The following GADL1 variants were observed in gnomAD, a reference collection of about 807,000 sequenced individuals.
The protein encoded by GADL1 is GAD like acidic amino acid decarboxylase 1.
In GADL1, 71 loss-of-function variants were observed where a neutral mutation model predicts 69.5. The ratio of observed to expected loss-of-function variants is 1.02; its 90% CI spans 0.84 to 1.25. The LOEUF (loss-of-function observed/expected upper bound fraction) is 1.25, where lower values mean the gene tolerates loss of function less well. Among genes scored for constraint, GADL1 ranks in the 50% most tolerant of loss-of-function variants. The pLI, the probability that GADL1 is intolerant of heterozygous loss-of-function variation, is 0.00. For synonymous variants in GADL1, 254 were observed against 214.4 expected (o/e 1.18, Z -1.62); for missense variants, 737 against 631.8 (o/e 1.17, Z -1.79).
intron 14 of GADL1, among the ~76,000 whole-genome samples, chr3:30,777,383 G>T (rs1219792168): frequency 1.3e-5 from 2 of 152,156 alleles, no homozygotes; most frequent in African/African-American, 2.4e-5. Flanking sequence ...TGATTTTAAT[G>T]GTGCTAGCCC....
intron 1 of GADL1, among the ~76,000 whole-genome samples, chr3:30,872,782 G>A (rs940777908): frequency 4.0e-5 from 6 of 151,838 alleles, no homozygotes; most frequent in Admixed American, 2.0e-4. Flanking sequence ...CTTTTGGTGA[G>A]CAAGAGTCAT....
chr3:30,743,066 A>G (rs960100734), intron 14 of GADL1, among the ~76,000 whole-genome samples: 5 of 152,056 alleles, frequency 3.3e-5, no homozygotes, highest in African/African-American at 7.3e-5. Flanking sequence ...CAAAAATGCT[A>G]CATAAATTTT....
intron 14 of GADL1, among the ~76,000 whole-genome samples, chr3:30,761,911 G>T (rs143106242): frequency 2.6e-5 from 4 of 152,150 alleles, no homozygotes; most frequent in African/African-American, 9.7e-5. Flanking sequence ...AAGTTTATAT[G>T]CATGTGTATA....
Position 30,786,341 on chromosome 3 carries a change from A to G in GADL1, c.1302+14T>C. ...AACTGACAAAATCACAAGCACAATT[A>G]TGCAATCACTTACTTCCATCAGTAA... On this transcript the variant is annotated intron_variant, in intron 13 of 14. Coordinates refer to ENST00000282538, the MANE Select transcript of GADL1 (RefSeq NM_207359.3). 1 of 1,515,318 alleles carries G rather than the reference A, an allele frequency of 6.6e-7. No individual in the cohort carries two copies. The allele number at this position is 1,515,318 out of a possible 1,614,324, so 93.9% of individuals were successfully genotyped here.
At chr3:30,772,933 T>C (rs74964575) in intron 14 of GADL1, among the ~76,000 whole-genome samples, 5,322 of 152,034 alleles carry the variant, frequency 0.035, 120 homozygotes, top group Non-Finnish European at 0.053. Flanking sequence ...CAGGGAAACC[T>C]AGGAAGCCTA....
rs375875048 is a variant in GADL1, at chr3:30,741,852, G to C, written c.1393-13437C>G. On this transcript the variant is annotated intron_variant, in intron 14 of 14. Transcript: ENST00000282538. ...CTTGTGGCACACTAATCACCAGTGG[G>C]GTGCAGTGGAAGAGATCCTGTGTGG... is the stretch of plus-strand genomic sequence containing the variant. Among the ~76,000 whole-genome samples, 5 of 152,240 alleles carry C rather than the reference G, an allele frequency of 3.3e-5. No homozygotes were observed. In the South Asian group the frequency reaches 1.0e-3, roughly 32 times the overall value.
At position 30,836,576 on chromosome 3, in the gene GADL1, T is replaced by A. The variant is rs558900056; in HGVS notation, c.904-2295A>T. On this transcript the variant is annotated intron_variant, in intron 9 of 14. Transcript: ENST00000282538. ...ACTATATGTGAGGCACCACAGTATATCATTTTATATATATTTGTCTTTAAT... is the reference window on the plus strand; with the variant it reads ...ACTATATGTGAGGCACCACAGTATAACATTTTATATATATTTGTCTTTAAT... Among the ~76,000 whole-genome samples, 4 of 151,724 alleles carry A rather than the reference T, an allele frequency of 2.6e-5. No individual in the cohort carries two copies. The East Asian group carries it at 7.7e-4, about 29-fold the overall frequency.
At chr3:30,858,298 T>A (rs1310795765) in intron 2 of GADL1, among the ~76,000 whole-genome samples, 1 of 152,006 alleles carries the variant, frequency 6.6e-6, no homozygotes, top group Non-Finnish European at 1.5e-5. Context: ...GAGTTTGGAC[T>A]TGGCTCTAAG....
Position 30,866,452 on chromosome 3 carries a change from G to A in GADL1, c.38-4687C>T, listed in dbSNP as rs151080844. The stretch of plus-strand genomic sequence containing the variant: ...TCAGCCTGGGCAAAAGAGTGAGACC[G>A]TGTCTCAAAAATAATAGTAATAATA... On this transcript the variant is annotated intron_variant, in intron 1 of 14. Coordinates refer to ENST00000282538, the MANE Select transcript of GADL1 (RefSeq NM_207359.3). 3.0e-3 allele frequency among the ~76,000 whole-genome samples: 458 copies of A among 152,102 alleles called. 1 individual carries two copies. The highest frequency in any genetic ancestry group is 5.5e-3 in the Non-Finnish European group (376 of 67,948).
chr3:30,792,645 A>C (rs928974020), intron 12 of GADL1, among the ~76,000 whole-genome samples: 2 of 152,168 alleles, frequency 1.3e-5, no homozygotes, highest in Non-Finnish European at 2.9e-5. Context: ...CAATAATATC[A>C]GGAACCAGTT....
intron 14 of GADL1, among the ~76,000 whole-genome samples, chr3:30,767,944 TAA>T (rs1047951255): frequency 2.6e-5 from 4 of 151,598 alleles, no homozygotes; most frequent in African/African-American, 9.7e-5. Flanking sequence ...TGACAATCAG[TAA>T]AGAGAAATTG....
At chr3:30,814,248 G>A (rs1697416862) in intron 11 of GADL1, among the ~76,000 whole-genome samples, 1 of 152,084 alleles carries the variant, frequency 6.6e-6, no homozygotes, top group Non-Finnish European at 1.5e-5. Context: ...AATCTTGCTG[G>A]GTTTCAAGGT....
chr3:30,794,894 G>A (rs769481525), intron 12 of GADL1, among the ~76,000 whole-genome samples: 1 of 152,098 alleles, frequency 6.6e-6, no homozygotes, highest in Non-Finnish European at 1.5e-5. Context: ...TTAGATTCAG[G>A]AACATGGAAA....
Position 30,844,393 on chromosome 3 carries a change from T to C in GADL1, c.725A>G (p.Asp242Gly), listed in dbSNP as rs780494023. The C allele has an allele frequency of 3.7e-6, 6 of 1,611,894 alleles. No individual in the cohort carries two copies. In the Admixed American group the frequency reaches 5.0e-5, roughly 13 times the overall value. ...CAGATCCTGTTCCCATTACCTTCCA[T>C]CTGTTTCCACAAAGCAAACATTCTC... ...GTENVCFVETDGRGKMIPEEL... is the reference protein window; with the variant it reads ...GTENVCFVETGGRGKMIPEEL... The change falls in exon 7 of 15, where the codon GAT becomes GGT. Residue 242 changes from aspartate to glycine, a missense_variant. By Grantham distance (94) the Asp-to-Gly change is moderately conservative. Coordinates refer to ENST00000282538, the MANE Select transcript of GADL1 (RefSeq NM_207359.3).
At chr3:30,814,576 A>G (rs1366044944) in intron 11 of GADL1, among the ~76,000 whole-genome samples, 1 of 152,194 alleles carries the variant, frequency 6.6e-6, no homozygotes, top group African/African-American at 2.4e-5. Context: ...TTATAAGAAC[A>G]GGTGACAGGC....
chr3:30,738,242 C>T (rs138453267), intron 14 of GADL1, among the ~76,000 whole-genome samples: 1 of 152,256 alleles, frequency 6.6e-6, no homozygotes, highest in African/African-American at 2.4e-5. Flanking sequence ...AGAGGTGCTA[C>T]CAACTCCCTT....
intron 11 of GADL1, among the ~76,000 whole-genome samples, chr3:30,810,477 A>G (rs900826767): frequency 6.6e-6 from 1 of 152,190 alleles, no homozygotes; most frequent in Non-Finnish European, 1.5e-5. Context: ...TTTGGTTGAT[A>G]TGCTCTTAAA....
chr3:30,857,545 G>A (rs919264006), intron 2 of GADL1, among the ~76,000 whole-genome samples: 6 of 151,934 alleles, frequency 3.9e-5, no homozygotes, highest in African/African-American at 1.4e-4. Context: ...ATGGATTTTT[G>A]AGAAATGGAG....
chr3:30,763,901 T>C (rs888945386), intron 14 of GADL1, among the ~76,000 whole-genome samples: 21 of 152,158 alleles, frequency 1.4e-4, no homozygotes, highest in African/African-American at 3.9e-4. Context: ...TGGTTATCCA[T>C]ATTTGAAAAA....
Sources: gnomAD v4.1 joint callset for allele counts (sites outside exome capture counted in the v4.1 genomes callset) on GRCh38, gnomAD v4.1.1 for gene constraint, MANE v1.5 for transcripts, NCBI Gene and HGNC (gene_info 2026-07-23, HGNC 2026-07-21) for gene names.